Variants in COMMD10 observed in about 807,000 individuals in gnomAD.
COMMD10 encodes COMM domain containing 10.
In COMMD10, 33 loss-of-function variants were observed where a neutral mutation model predicts 28.9. The ratio of observed to expected loss-of-function variants is 1.14; its 90% CI spans 0.87 to 1.53. The LOEUF is 1.53. COMMD10 is among the 40% of genes most tolerant of loss of function. The pLI, the probability that COMMD10 is intolerant of heterozygous loss-of-function variation, is 0.00. For missense variants in COMMD10, 310 were observed against 233.4 expected, an observed-to-expected ratio of 1.33 and a Z score of -2.14; for synonymous variants, 110 against 81.7, an observed-to-expected ratio of 1.35 and a Z score of -1.87.
intron 5 of COMMD10, among the ~76,000 whole-genome samples, chr5:116,155,048 T>G (rs1022130523): frequency 1.1e-4 from 17 of 152,274 alleles, no homozygotes; most frequent in Admixed American, 7.2e-4. Context: ...TATGTATCTT[T>G]TAACATTGGT....
chr5:116,203,709 C>G (rs1345929480), intron 5 of COMMD10, among the ~76,000 whole-genome samples: 2 of 151,900 alleles, frequency 1.3e-5, no homozygotes, highest in African/African-American at 2.4e-5. Context: ...TTGTCACCAC[C>G]AGGCCTGCCC....
At chr5:116,254,857 G>A (rs1750234942) in intron 5 of COMMD10, among the ~76,000 whole-genome samples, 1 of 151,094 alleles carries the variant, frequency 6.6e-6, no homozygotes, top group Non-Finnish European at 1.5e-5. Context: ...TATCCTTGTT[G>A]ACTTTCTGTC....
At chr5:116,113,454 T>C (rs1751127320) in intron 4 of COMMD10, among the ~76,000 whole-genome samples, 2 of 151,922 alleles carry the variant, frequency 1.3e-5, no homozygotes, top group African/African-American at 4.8e-5. Flanking sequence ...CAATGCTGTA[T>C]GCAGTCCTAA....
intron 5 of COMMD10, chr5:116,218,066 G>T: frequency 8.2e-7 from 1 of 1,214,690 alleles, no homozygotes; most frequent in Non-Finnish European, 1.2e-6. Context: ...TGCCTGATCT[G>T]TTTTGACATC....
At position 116,260,128 on chromosome 5, in the gene COMMD10, C is replaced by G. The variant is rs137874084; in HGVS notation, c.511-31389C>G. ...AGGTAAATGTGTCCTCATTGGCCAT[C>G]CATTCTTTTTTAAAGTAAAATGGAA... is the stretch of plus-strand genomic sequence containing the variant. On this transcript the variant is annotated intron_variant, in intron 5 of 6. Coordinates refer to ENST00000274458, the MANE Select transcript of COMMD10 (RefSeq NM_016144.4). Among the ~76,000 whole-genome samples, 27 of 151,678 alleles carry G rather than the reference C, an allele frequency of 1.8e-4. No individual in the cohort carries two copies. In the East Asian group the frequency reaches 5.2e-3, roughly 29 times the overall value.
intron 5 of COMMD10, among the ~76,000 whole-genome samples, chr5:116,283,662 T>A (rs934618120): frequency 5.3e-5 from 8 of 151,724 alleles, no homozygotes; most frequent in South Asian, 2.1e-4. Context: ...TTTTGAGGCC[T>A]GGCCTCAAAA....
At chr5:116,275,321 C>G (rs1186781439) in intron 5 of COMMD10, among the ~76,000 whole-genome samples, 1 of 151,790 alleles carries the variant, frequency 6.6e-6, no homozygotes, top group African/African-American at 2.4e-5. Context: ...CTTTCATGTT[C>G]TCTTTTGCTG....
chr5:116,168,903 C>T (rs183830762), intron 5 of COMMD10, among the ~76,000 whole-genome samples: 62 of 152,204 alleles, frequency 4.1e-4, no homozygotes, highest in African/African-American at 1.3e-3. Flanking sequence ...GACACCTTAC[C>T]ATCACAGTTA....
chr5:116,116,780 G>A (rs886416976), intron 4 of COMMD10, among the ~76,000 whole-genome samples: 7 of 150,168 alleles, frequency 4.7e-5, no homozygotes, highest in Admixed American at 2.7e-4. Context: ...CTGCAGTGGC[G>A]CAATCTCGGC....
intron 5 of COMMD10, among the ~76,000 whole-genome samples, chr5:116,189,911 G>A (rs2112610257): frequency 6.6e-6 from 1 of 152,292 alleles, no homozygotes; most frequent in South Asian, 2.1e-4. Context: ...TACTAGGCAT[G>A]TACTCCTGAC....
intron 4 of COMMD10, among the ~76,000 whole-genome samples, chr5:116,120,260 C>T (rs1171398212): frequency 1.3e-5 from 2 of 152,072 alleles, no homozygotes; most frequent in Non-Finnish European, 2.9e-5. Flanking sequence ...GAATGGAAAA[C>T]CAAATATCTT....
At chr5:116,219,025 CTT>C (rs967024834) in intron 5 of COMMD10, among the ~76,000 whole-genome samples, 1 of 152,018 alleles carries the variant, frequency 6.6e-6, no homozygotes, top group Non-Finnish European at 1.5e-5. Flanking sequence ...TGACTGGTGT[CTT>C]TGTAAGAAAA....
intron 5 of COMMD10, among the ~76,000 whole-genome samples, chr5:116,284,196 A>T (rs1253770899): frequency 6.6e-6 from 1 of 151,868 alleles, no homozygotes; most frequent in Non-Finnish European, 1.5e-5. Flanking sequence ...TTAACCTAAA[A>T]TCCAATTTTG....
intron 5 of COMMD10, among the ~76,000 whole-genome samples, chr5:116,155,111 T>C (rs2174996): frequency 0.31 from 46,687 of 152,002 alleles, 9,768 homozygotes; most frequent in African/African-American, 0.6. Flanking sequence ...TTGGCATACA[T>C]TGACTGAGTA....
intron 4 of COMMD10, among the ~76,000 whole-genome samples, chr5:116,094,214 A>G (rs1005917873): frequency 6.6e-6 from 1 of 152,200 alleles, no homozygotes; most frequent in African/African-American, 2.4e-5. Flanking sequence ...AGAGGAAACA[A>G]TCAACAAAAT....
At position 116,197,494 on chromosome 5, in the gene COMMD10, A is replaced by G. The variant is rs896346550; in HGVS notation, c.510+63316A>G. On this transcript the variant is annotated intron_variant, in intron 5 of 6. Coordinates refer to ENST00000274458, the MANE Select transcript of COMMD10 (RefSeq NM_016144.4). The stretch of plus-strand genomic sequence containing the variant: ...CCTCCTGGGCTCAAGTGATTCACCC[A>G]CCTCAGCTTCCTGAGTAGCTGGGAC... 8.5e-5 allele frequency among the ~76,000 whole-genome samples: 13 copies of G among 152,106 alleles called. 2 individuals carry two copies. The South Asian group carries it at 2.7e-3, about 32-fold the overall frequency.
At chr5:116,218,430 C>A (rs2112641426) in intron 5 of COMMD10, 1 of 375,232 alleles carries the variant, frequency 2.7e-6, no homozygotes, top group East Asian at 5.9e-5. Context: ...ATAGTAAATT[C>A]TTTATAAATA....
chr5:116,284,878 A>G (rs72808922), intron 5 of COMMD10, among the ~76,000 whole-genome samples: 9,130 of 151,966 alleles, frequency 0.06, 361 homozygotes, highest in East Asian at 0.14. Context: ...TAGTAATTGA[A>G]CTTTCATTGA....
intron 5 of COMMD10, among the ~76,000 whole-genome samples, chr5:116,190,443 C>T (rs1029681637): frequency 6.6e-6 from 1 of 152,088 alleles, no homozygotes; most frequent in Non-Finnish European, 1.5e-5. Context: ...CACATATGTA[C>T]AGAAATTGCT....
Sources: allele counts gnomAD v4.1 joint callset (sites outside exome capture counted in the v4.1 genomes callset), GRCh38; gene constraint gnomAD v4.1.1; transcripts MANE v1.5; gene names NCBI Gene and HGNC (gene_info 2026-07-23, HGNC 2026-07-21).